Variants in INVS observed in about 807,000 individuals in gnomAD.
INVS encodes the protein inversion of embryo turning homolog.
Under a neutral mutation model 108.8 loss-of-function variants are expected in INVS, and 86 were observed. The observed-to-expected ratio is 0.79, with a 90% CI of 0.66 to 0.95. The LOEUF (loss-of-function observed/expected upper bound fraction) is 0.95. Among genes scored for constraint, INVS ranks in the 40% least tolerant of loss-of-function variants. The probability of loss-of-function intolerance (pLI) is 0.00; values close to 1 mark genes in which losing one functional copy is unlikely to be tolerated. For synonymous variants in INVS, 455 were observed against 473.5 expected, an observed-to-expected ratio of 0.96 and a Z score of 0.51; for missense variants, 1,169 against 1,297.4, an observed-to-expected ratio of 0.90 and a Z score of 1.52.
intron 3 of INVS, among the ~76,000 whole-genome samples, chr9:100,141,536 G>GA (rs376312220): frequency 2.4e-4 from 37 of 152,286 alleles, no homozygotes; most frequent in African/African-American, 8.2e-4. Flanking sequence ...TAACAGAAGG[G>GA]AAAAAATGAC....
intron 10 of INVS, among the ~76,000 whole-genome samples, chr9:100,259,088 C>T (rs61307138): frequency 0.017 from 2,583 of 152,228 alleles, 65 homozygotes; most frequent in African/African-American, 0.06. Context: ...CCTGGCCGGC[C>T]GCTTTGTTTA....
intron 3 of INVS, chr9:100,175,788 A>G: frequency 7.7e-6 from 5 of 649,030 alleles, no homozygotes; most frequent in South Asian, 6.8e-5. Context: ...CCAGTCCTAG[A>G]ACAGCCATTC....
intron 10 of INVS, among the ~76,000 whole-genome samples, chr9:100,253,410 ATTTTCTT>A (rs1204077864): frequency 3.5e-5 from 4 of 114,542 alleles, no homozygotes; most frequent in African/African-American, 1.3e-4. Flanking sequence ...TAAATATATG[ATTTTCTT>A]TTTTTTTTTA....
intron 3 of INVS, among the ~76,000 whole-genome samples, chr9:100,146,874 A>G (rs773284295): frequency 1.6e-4 from 24 of 152,208 alleles, no homozygotes; most frequent in Non-Finnish European, 2.8e-4. Flanking sequence ...ACTATTGTGA[A>G]TAGTGCTTCC....
chr9:100,109,187 T>C (rs1827266393), intron 2 of INVS, among the ~76,000 whole-genome samples: 1 of 152,236 alleles, frequency 6.6e-6, no homozygotes, highest in Non-Finnish European at 1.5e-5. Flanking sequence ...CTAACTGTTA[T>C]TTATTAGTAG....
intron 3 of INVS, among the ~76,000 whole-genome samples, chr9:100,180,445 A>T (rs1829855189): frequency 6.6e-6 from 1 of 152,136 alleles, no homozygotes; most frequent in Non-Finnish European, 1.5e-5. Context: ...GATAAAGGGG[A>T]TATAACCACT....
chr9:100,166,966 G>A (rs780319567), intron 3 of INVS, among the ~76,000 whole-genome samples: 4 of 152,128 alleles, frequency 2.6e-5, no homozygotes, highest in South Asian at 2.1e-4. Context: ...CCAGTTGAGC[G>A]CAGTGGCTTA....
intron 11 of INVS, among the ~76,000 whole-genome samples, chr9:100,270,169 C>A (rs560913352): frequency 6.6e-6 from 1 of 151,828 alleles, no homozygotes; most frequent in Admixed American, 6.6e-5. Context: ...ATCATTTTGA[C>A]AAAGTAGTAA....
At chr9:100,209,769 C>CAAAAAAAA (rs58556710) in intron 3 of INVS, among the ~76,000 whole-genome samples, 1 of 72,288 alleles carries the variant, frequency 1.4e-5, no homozygotes, top group Non-Finnish European at 2.7e-5. Flanking sequence ...GACTCCGTCT[C>CAAAAAAAA]AAAAAAAAAA....
In INVS at chr9:100,298,258, T is replaced by G. The variant is rs894286677; in HGVS notation, c.3091+248T>G. The G allele has an allele frequency of 8.3e-5, 114 of 1,376,196 alleles. 1 individual carries two copies. In the South Asian group the frequency reaches 1.5e-3, roughly 19 times the overall value. The allele number at this position is 1,376,196 out of a possible 1,614,324, so 85.2% of individuals were successfully genotyped here. ...TAAATGGTAGCTATTATTGATCACT[T>G]TTACACATTTTTTCACACAAAGGAA... is the stretch of plus-strand genomic sequence containing the variant. On this transcript the variant is annotated intron_variant, in intron 16 of 16. Transcript: ENST00000262457.
Position 100,292,936 on chromosome 9 carries a change from T to A in INVS, c.2679T>A (p.Leu893=), listed in dbSNP as rs1427178851. 6.2e-7 allele frequency: 1 copy of A among 1,613,130 alleles called. No individual in the cohort carries two copies. The highest frequency in any genetic ancestry group is 8.5e-7 in the Non-Finnish European group (1 of 1,179,306). Residue 893 remains leucine, a synonymous_variant, in exon 14 of 17, where the codon CTT becomes CTA. Coordinates refer to ENST00000262457, the MANE Select transcript of INVS (RefSeq NM_014425.5). ...CTGGGCAGAGTGTGAATATTGACCT[T>A]CTCCCCGTAGAGCTCCGACTGCAGA... The part of the protein sequence containing the change: ...PLSGQSVNID[L]LPVELRLQII...
intron 7 of INVS, among the ~76,000 whole-genome samples, chr9:100,244,873 A>G (rs1025670273): frequency 6.6e-6 from 1 of 152,208 alleles, no homozygotes; most frequent in Non-Finnish European, 1.5e-5. Context: ...AACTCAACAA[A>G]TAGTCTTAAA....
chr9:100,294,275 T>C (rs1273217738), intron 14 of INVS, among the ~76,000 whole-genome samples: 1 of 152,090 alleles, frequency 6.6e-6, no homozygotes, highest in Non-Finnish European at 1.5e-5. Context: ...GTATGAGATA[T>C]CGAGGTTCCC....
intron 8 of INVS, among the ~76,000 whole-genome samples, chr9:100,250,236 A>C (rs893066550): frequency 2.0e-5 from 3 of 152,234 alleles, no homozygotes; most frequent in African/African-American, 7.2e-5. Flanking sequence ...AACACATTCA[A>C]AAGTAGACAG....
intron 4 of INVS, among the ~76,000 whole-genome samples, chr9:100,227,250 A>G (rs901425288): frequency 6.6e-6 from 1 of 152,212 alleles, no homozygotes; most frequent in African/African-American, 2.4e-5. Flanking sequence ...TGCAGTTGTT[A>G]GTAAGCAAAA....
intron 10 of INVS, among the ~76,000 whole-genome samples, chr9:100,259,253 T>C (rs1055835768): frequency 6.6e-6 from 1 of 152,196 alleles, no homozygotes; most frequent in Non-Finnish European, 1.5e-5. Flanking sequence ...GTGTGCCGTC[T>C]GCTAAAACCA....
chr9:100,270,882 C>A (rs1284248826), intron 11 of INVS, among the ~76,000 whole-genome samples: 1 of 150,104 alleles, frequency 6.7e-6, no homozygotes, highest in Non-Finnish European at 1.5e-5. Flanking sequence ...TGTGTTTGCA[C>A]CACTACACTC....
intron 13 of INVS, among the ~76,000 whole-genome samples, chr9:100,286,631 A>G (rs1381243726): frequency 1.3e-5 from 2 of 152,226 alleles, no homozygotes; most frequent in African/African-American, 2.4e-5. Flanking sequence ...TTATATACTC[A>G]TGATGCTTTG....
rs1350528220 is a variant in INVS at position 100,226,236 on chromosome 9, G to A, written c.447+1G>A. On this transcript the variant is annotated splice_donor_variant, in intron 4 of 16. Coordinates refer to ENST00000262457, the MANE Select transcript of INVS (RefSeq NM_014425.5). LOFTEE classifies it high-confidence loss of function. ...AGTGGATACACAGGATAAAAACAAG[G>A]TAATGGATACTCAAAATCAAAGACT... 6.2e-7 allele frequency: 1 copy of A among 1,612,972 alleles called. No individual in the cohort carries two copies. The highest frequency in any genetic ancestry group is 2.2e-5 in the East Asian group (1 of 44,832).
Sources: gnomAD v4.1 joint callset for allele counts (sites outside exome capture counted in the v4.1 genomes callset) on GRCh38, gnomAD v4.1.1 for gene constraint, MANE v1.5 for transcripts, NCBI Gene and HGNC (gene_info 2026-07-23, HGNC 2026-07-21) for gene names.